UNC13B: variants seen among roughly 807,000 people sequenced by gnomAD.
The protein encoded by UNC13B is protein unc-13 homolog B.
A neutral mutation model predicts 211.0 loss-of-function variants in UNC13B; 144 were observed. The observed-to-expected ratio is 0.68, with a 90% CI of 0.60 to 0.78. UNC13B has a LOEUF of 0.78. Ranked by LOEUF, UNC13B falls within the 30% of genes least tolerant of loss-of-function variation. The pLI is 0.00. For synonymous variants in UNC13B, 709 were observed against 725.8 expected, an observed-to-expected ratio of 0.98 and a Z score of 0.37; for missense variants, 1,777 against 2,002.0, an observed-to-expected ratio of 0.89 and a Z score of 2.14.
intron 11 of UNC13B, among the ~76,000 whole-genome samples, chr9:35,337,209 G>C (rs1014177890): frequency 6.6e-6 from 1 of 152,150 alleles, no homozygotes; most frequent in Admixed American, 6.5e-5. Flanking sequence ...GTAAAGAGGA[G>C]TGAGTGGGAG....
rs538707665 is a variant in UNC13B, at chr9:35,247,219, G to C, written c.468+3855G>C. ...CATTGATTTTGTATCCTGAGACTTTGCTGAAGTTGCTTATCAGCTTAAGGA... is the reference window on the plus strand; with the variant it reads ...CATTGATTTTGTATCCTGAGACTTTCCTGAAGTTGCTTATCAGCTTAAGGA... On this transcript the variant is annotated intron_variant, in intron 6 of 39. Transcript: ENST00000635942. Among the ~76,000 whole-genome samples, 429 of 152,312 alleles carry C rather than the reference G, an allele frequency of 2.8e-3. 2 individuals carry two copies. The highest frequency in any genetic ancestry group is 6.4e-3 in the African/African-American group (265 of 41,568).
chr9:35,169,736 A>G (rs1017299949), intron 1 of UNC13B, among the ~76,000 whole-genome samples: 3 of 152,342 alleles, frequency 2.0e-5, no homozygotes, highest in Admixed American at 2.0e-4. Flanking sequence ...TTGCTCTGCT[A>G]TGCTATTGTT....
At chr9:35,308,945 TC>T (rs547467855) in intron 9 of UNC13B, among the ~76,000 whole-genome samples, 1 of 152,172 alleles carries the variant, frequency 6.6e-6, no homozygotes, top group Non-Finnish European at 1.5e-5. Flanking sequence ...TAGTCTGTAT[TC>T]CCATATCCTA....
At chr9:35,178,088 G>T (rs771944961) in intron 1 of UNC13B, among the ~76,000 whole-genome samples, 1 of 152,170 alleles carries the variant, frequency 6.6e-6, no homozygotes, top group Non-Finnish European at 1.5e-5. Context: ...GTTCTTTGTG[G>T]ATCTGTTGTG....
intron 26 of UNC13B, 90 bp from the exon 27 acceptor site, chr9:35,396,377 TCTGATGGAG>T: frequency 6.7e-7 from 1 of 1,497,796 alleles, no homozygotes; most frequent in South Asian, 1.2e-5. Flanking sequence ...TCCTAAGACA[TCTGATGGAG>T]CTGCCTGACC....
At chr9:35,351,514 C>T in intron 11 of UNC13B, 1 of 1,232,282 alleles carries the variant, frequency 8.1e-7, no homozygotes, top group South Asian at 4.1e-5. Context: ...CCCCTCAAAC[C>T]CTGAGGGAGA....
At chr9:35,308,681 C>G (rs997056898) in intron 9 of UNC13B, among the ~76,000 whole-genome samples, 9 of 152,198 alleles carry the variant, frequency 5.9e-5, no homozygotes. Context: ...GATATTTACT[C>G]ACTCTGGTTT....
chr9:35,369,757 C>G (rs1174662067), intron 12 of UNC13B, among the ~76,000 whole-genome samples: 1 of 152,136 alleles, frequency 6.6e-6, no homozygotes, highest in Non-Finnish European at 1.5e-5. Flanking sequence ...TATGAGGGCT[C>G]CTTTCTCCAT....
intron 1 of UNC13B, among the ~76,000 whole-genome samples, chr9:35,167,435 G>C (rs564369845): frequency 2.0e-5 from 3 of 152,180 alleles, no homozygotes; most frequent in East Asian, 3.9e-4. Flanking sequence ...TAGCCAAAAG[G>C]TTGGACACCC....
chr9:35,162,778 C>T (rs893535786), intron 1 of UNC13B, among the ~76,000 whole-genome samples: 2 of 152,218 alleles, frequency 1.3e-5, no homozygotes, highest in Non-Finnish European at 2.9e-5. Flanking sequence ...TCCCCTGCCA[C>T]TTCCCTGAAC....
intron 11 of UNC13B, among the ~76,000 whole-genome samples, chr9:35,334,446 A>G (rs1267213703): frequency 6.6e-6 from 1 of 152,248 alleles, no homozygotes; most frequent in Non-Finnish European, 1.5e-5. Context: ...GTAAAAGGCC[A>G]TGCAGATGTT....
chr9:35,402,199 C>T (rs1313111714), intron 37 of UNC13B, among the ~76,000 whole-genome samples: 3 of 151,938 alleles, frequency 2.0e-5, no homozygotes, highest in Non-Finnish European at 4.4e-5. Context: ...CTGTCGTATT[C>T]TCAGCATTCT....
intron 19 of UNC13B, 123 bp downstream of exon 19, chr9:35,381,338 C>CT (rs1346795018): frequency 9.9e-7 from 1 of 1,010,920 alleles, no homozygotes; most frequent in Non-Finnish European, 1.4e-6. Flanking sequence ...TTGATTCACT[C>CT]TGTTACCCTG....
At chr9:35,284,836 T>C (rs1357789381) in intron 7 of UNC13B, among the ~76,000 whole-genome samples, 4 of 152,234 alleles carry the variant, frequency 2.6e-5, no homozygotes, top group Admixed American at 6.5e-5. Context: ...GACAGATGGC[T>C]GTTCACATGG....
intron 7 of UNC13B, among the ~76,000 whole-genome samples, chr9:35,269,712 C>T (rs985246035): frequency 1.4e-4 from 22 of 152,198 alleles, no homozygotes; most frequent in African/African-American, 5.1e-4. Flanking sequence ...AGTCTTATCC[C>T]TATCACTCAA....
At chr9:35,377,350 A>G in intron 15 of UNC13B, 118 bp from the exon 16 acceptor site, 1 of 1,051,118 alleles carries the variant, frequency 9.5e-7, no homozygotes. Context: ...ATTGCTGAGA[A>G]CTAGCAACCA....
intron 12 of UNC13B, among the ~76,000 whole-genome samples, chr9:35,367,403 G>A (rs1409730894): frequency 3.3e-5 from 5 of 152,084 alleles, no homozygotes; most frequent in Admixed American, 3.3e-4. Context: ...GTCTATTTAT[G>A]GGTTACATTA....
intron 12 of UNC13B, among the ~76,000 whole-genome samples, chr9:35,368,336 T>A (rs1437698568): frequency 6.6e-6 from 1 of 152,250 alleles, no homozygotes; most frequent in African/African-American, 2.4e-5. Flanking sequence ...TGCATTAGTT[T>A]GCTAAGAATA....
chr9:35,318,498 A>G (rs1282468219), intron 11 of UNC13B, among the ~76,000 whole-genome samples: 3 of 152,216 alleles, frequency 2.0e-5, no homozygotes, highest in Non-Finnish European at 4.4e-5. Context: ...AGCAAATATG[A>G]ATATACTAAT....
Sources: allele counts gnomAD v4.1 joint callset (sites outside exome capture counted in the v4.1 genomes callset), GRCh38; gene constraint gnomAD v4.1.1; transcripts MANE v1.5; gene names NCBI Gene and HGNC (gene_info 2026-07-23, HGNC 2026-07-21).